ELOVL2: variants seen among roughly 807,000 people sequenced by gnomAD.
ELOVL2 encodes very long chain fatty acid elongase 2.
A neutral mutation model predicts 37.7 loss-of-function variants in ELOVL2; 38 were observed. That is an observed-to-expected ratio of 1.01 (90% CI 0.78 to 1.32). The LOEUF (loss-of-function observed/expected upper bound fraction) is 1.32, where lower values mean the gene tolerates loss of function less well. Ranked by LOEUF, ELOVL2 falls within the 40% of genes most tolerant of loss-of-function variation. ELOVL2 has a pLI of 0.00. For synonymous variants in ELOVL2, 115 were observed against 122.3 expected, an observed-to-expected ratio of 0.94 and a Z score of 0.40; for missense variants, 352 against 363.6, an observed-to-expected ratio of 0.97 and a Z score of 0.26.
intron 2 of ELOVL2, among the ~76,000 whole-genome samples, chr6:11,009,412 G>C (rs1782534767): frequency 6.6e-6 from 1 of 152,184 alleles, no homozygotes; most frequent in Non-Finnish European, 1.5e-5. Context: ...ATATCTTACT[G>C]TATTGTGCTC....
At chr6:11,021,379 C>T (rs1782763696) in intron 1 of ELOVL2, among the ~76,000 whole-genome samples, 1 of 152,182 alleles carries the variant, frequency 6.6e-6, no homozygotes, top group South Asian at 2.1e-4. Flanking sequence ...TTTTATTGAA[C>T]AAGTAACAGA....
At chr6:11,003,866 G>A (rs1212766347) in intron 3 of ELOVL2, among the ~76,000 whole-genome samples, 3 of 152,052 alleles carry the variant, frequency 2.0e-5, no homozygotes, top group African/African-American at 7.2e-5. Flanking sequence ...TGGATCACCT[G>A]AGGTCAGGAG....
rs555852858 is a variant in ELOVL2, at chr6:10,994,187, C to T, written c.505+820G>A. On this transcript the variant is annotated intron_variant, in intron 5 of 7. Transcript: ENST00000354666. ...TAAAAAAATAAAAAAAGAAGAAGGG[C>T]CGGGTGCGGTGGCCCACGCCTGTAA... is the stretch of plus-strand genomic sequence containing the variant. Among the ~76,000 whole-genome samples the T allele has an allele frequency of 1.9e-4, 28 of 151,016 alleles. No homozygotes were observed. In the South Asian group the frequency reaches 2.1e-3, roughly 11 times the overall value.
At chr6:11,028,590 G>A (rs929351706) in intron 1 of ELOVL2, among the ~76,000 whole-genome samples, 4 of 149,836 alleles carry the variant, frequency 2.7e-5, no homozygotes, top group African/African-American at 1.0e-4. Context: ...TGCTTTTTAT[G>A]GTATTTTTTT....
In ELOVL2 at chr6:11,024,479, AT is replaced by A. The variant is rs550003168; in HGVS notation, c.4-13671del. Among the ~76,000 whole-genome samples, 50 of 152,328 alleles carry A rather than the reference AT, an allele frequency of 3.3e-4. No homozygotes were observed. In the South Asian group the frequency reaches 9.9e-3, roughly 30 times the overall value. ...TATTATTAGGTCCCTAGACACCACT[AT>A]TTTTTGTATTACAGGACAAAACTAT... On this transcript the variant is annotated intron_variant, in intron 1 of 7. Transcript: ENST00000354666.
At chr6:10,987,456 G>A (rs1233984161) in intron 7 of ELOVL2, among the ~76,000 whole-genome samples, 1 of 152,016 alleles carries the variant, frequency 6.6e-6, no homozygotes, top group African/African-American at 2.4e-5. Flanking sequence ...GTCAATTTTG[G>A]ATCTTTCCTG....
At chr6:11,010,607 A>C in intron 2 of ELOVL2, 139 bp downstream of exon 2, 1 of 717,876 alleles carries the variant, frequency 1.4e-6, no homozygotes, top group Admixed American at 2.7e-5. Flanking sequence ...GAAGGATATC[A>C]AAGTTGAGGA....
chr6:11,019,071 T>C (rs1782726406), intron 1 of ELOVL2, among the ~76,000 whole-genome samples: 1 of 152,186 alleles, frequency 6.6e-6, no homozygotes, highest in East Asian at 1.9e-4. Flanking sequence ...ATACTTCTAT[T>C]ACAGTTATCA....
intron 1 of ELOVL2, among the ~76,000 whole-genome samples, chr6:11,032,975 G>A (rs1337068977): frequency 6.6e-6 from 1 of 152,146 alleles, no homozygotes; most frequent in Non-Finnish European, 1.5e-5. Context: ...TTTGAAATAA[G>A]CTGGTAGGGA....
In ELOVL2 at chr6:11,044,131, C is replaced by G. The variant is rs1783166597; in HGVS notation, c.3+97G>C. 3 of 1,341,802 alleles carry G rather than the reference C, an allele frequency of 2.2e-6. No homozygotes were observed. The highest frequency in any genetic ancestry group is 6.6e-5 in the East Asian group (2 of 30,522). 83.1% of individuals were successfully genotyped at this position (1,341,802 alleles called of 1,614,324 possible). A position where few individuals can be genotyped will look rare whatever the true frequency, so the allele number is the denominator to read the frequency against. On this transcript the variant is annotated intron_variant, in intron 1 of 7. Coordinates refer to ENST00000354666, the MANE Select transcript of ELOVL2 (RefSeq NM_017770.4). The surrounding 1 kb of genome is among the most constrained non-coding windows in gnomAD (Gnocchi z 5.6). Reference sequence around the variant, plus strand: ...GTTCCAGCGGCGAACCCGCAGCGCCCGCGCCGGCGCCCGCTCGGCCCTTTC... The same window carrying G: ...GTTCCAGCGGCGAACCCGCAGCGCCGGCGCCGGCGCCCGCTCGGCCCTTTC...
chr6:11,037,173 G>A (rs1783023775), intron 1 of ELOVL2, among the ~76,000 whole-genome samples: 1 of 150,262 alleles, frequency 6.7e-6, no homozygotes, highest in African/African-American at 2.5e-5. Flanking sequence ...AAAGAGACAA[G>A]AGAGGCAGAG....
intron 4 of ELOVL2, among the ~76,000 whole-genome samples, 194 bp from the exon 5 acceptor site, chr6:10,995,372 TGA>T (rs1782246807): frequency 6.7e-6 from 1 of 148,806 alleles, no homozygotes; most frequent in African/African-American, 2.4e-5. Context: ...TAGTGAGAGA[TGA>T]GTTATTTTTC....
At chr6:10,988,845 C>G (rs1237320597) in intron 7 of ELOVL2, among the ~76,000 whole-genome samples, 1 of 152,230 alleles carries the variant, frequency 6.6e-6, no homozygotes, top group East Asian at 1.9e-4. Context: ...CATTTTGAAG[C>G]TGTCTTCCAT....
chr6:11,013,870 A>G (rs1397550509), intron 1 of ELOVL2, among the ~76,000 whole-genome samples: 1 of 109,822 alleles, frequency 9.1e-6, no homozygotes. Context: ...CCACAAAGCA[A>G]AAAAAAAAAA....
intron 1 of ELOVL2, among the ~76,000 whole-genome samples, chr6:11,021,409 T>A (rs1782763877): frequency 6.6e-6 from 1 of 152,202 alleles, no homozygotes; most frequent in African/African-American, 2.4e-5. Flanking sequence ...GGAATGGGGC[T>A]AGAAAATCTC....
chr6:11,025,374 C>T (rs1263883666), intron 1 of ELOVL2, among the ~76,000 whole-genome samples: 3 of 152,092 alleles, frequency 2.0e-5, no homozygotes, highest in Non-Finnish European at 2.9e-5. Context: ...GTATGTAAAA[C>T]TGATACAAAT....
At chr6:11,021,605 G>C (rs1371536190) in intron 1 of ELOVL2, among the ~76,000 whole-genome samples, 1 of 152,032 alleles carries the variant, frequency 6.6e-6, no homozygotes, top group African/African-American at 2.4e-5. Context: ...GAGATATTGA[G>C]GCAGCAGTAA....
rs150098115 is a variant in ELOVL2, at chr6:10,983,631, T to C, written c.*150A>G. ...GCATTCAGTTAACAGATTAACCTAA[T>C]AGCAATATATTAATACATTCTGGGT... On this transcript the variant is annotated 3_prime_UTR_variant, in exon 8 of 8. Transcript: ENST00000354666. 9.4e-6 allele frequency: 8 copies of C among 855,118 alleles called. No homozygotes were observed. Among genetic ancestry groups the C allele is most frequent in the African/African-American group, 6.9e-5 (4 of 57,934 alleles). 53.0% of individuals were successfully genotyped at this position (855,118 alleles called of 1,614,324 possible). A position where few individuals can be genotyped will look rare whatever the true frequency, so the allele number is the denominator to read the frequency against.
rs1419659514 is a variant in ELOVL2, at chr6:11,021,642, A to T, written c.4-10833T>A. On this transcript the variant is annotated intron_variant, in intron 1 of 7. Coordinates refer to ENST00000354666, the MANE Select transcript of ELOVL2 (RefSeq NM_017770.4). ...ACTAAAAATATACACACCATGACTC[A>T]GGAGAAACCAACTAGTAAAACCGAA... is the stretch of plus-strand genomic sequence containing the variant. Among the ~76,000 whole-genome samples, 3 of 152,232 alleles carry T rather than the reference A, an allele frequency of 2.0e-5. No individual in the cohort carries two copies. The East Asian group carries it at 5.8e-4, about 29-fold the overall frequency.
Sources: allele counts gnomAD v4.1 joint callset (sites outside exome capture counted in the v4.1 genomes callset), GRCh38; gene constraint gnomAD v4.1.1; non-coding constraint Gnocchi (gnomAD v3.1); transcripts MANE v1.5; gene names NCBI Gene and HGNC (gene_info 2026-07-23, HGNC 2026-07-21).